Variants in COL4A1 observed in about 807,000 individuals in gnomAD.
COL4A1 encodes the protein collagen alpha-1(IV) chain.
In COL4A1, 40 loss-of-function variants were observed where a neutral mutation model predicts 216.6. The ratio of observed to expected loss-of-function variants is 0.18; its 90% CI spans 0.14 to 0.24. COL4A1 has a LOEUF of 0.24. Ranked by LOEUF, COL4A1 falls within the 10% of genes least tolerant of loss-of-function variation. The pLI is 1.00. For missense variants in COL4A1, 1,628 were observed against 2,196.8 expected, an observed-to-expected ratio of 0.74 and a Z score of 5.18; for synonymous variants, 839 against 810.7, an observed-to-expected ratio of 1.03 and a Z score of -0.59.
Position 110,195,134 on chromosome 13 carries a change from CAG to C in COL4A1, c.1286-18_1286-17del, listed in dbSNP as rs769629668. On this transcript the variant is annotated splice_polypyrimidine_tract_variant and intron_variant, in intron 21 of 51. Coordinates refer to ENST00000375820, the MANE Select transcript of COL4A1 (RefSeq NM_001845.6). ...ACAATTCCATCTGAAATTGAGTTGT[CAG>C]AGTTATAGGATCATAGCTAGGTGTT... The C allele has an allele frequency of 7.4e-5, 119 of 1,609,372 alleles. No homozygotes were observed. Among genetic ancestry groups the C allele is most frequent in the Non-Finnish European group, 2.4e-5 (28 of 1,175,812 alleles).
intron 1 of COL4A1, among the ~76,000 whole-genome samples, chr13:110,303,399 C>T (rs896204937): frequency 2.4e-4 from 36 of 152,142 alleles, no homozygotes; most frequent in Middle Eastern, 3.4e-3. Context: ...CCTGCCCTTC[C>T]AATTCTTTCC....
At chr13:110,191,501 C>A in intron 24 of COL4A1, 1 of 473,392 alleles carries the variant, frequency 2.1e-6, no homozygotes, top group Non-Finnish European at 3.7e-6. Flanking sequence ...AAATAATGTC[C>A]TTCAAAATTC....
At chr13:110,252,080 G>C (rs1037117788) in intron 1 of COL4A1, among the ~76,000 whole-genome samples, 1 of 152,050 alleles carries the variant, frequency 6.6e-6, no homozygotes, top group African/African-American at 2.4e-5. Flanking sequence ...CTGGAGTGCT[G>C]TGGCGCGATC....
intron 2 of COL4A1, among the ~76,000 whole-genome samples, chr13:110,240,922 T>C (rs1250159147): frequency 6.6e-6 from 1 of 152,168 alleles, no homozygotes; most frequent in African/African-American, 2.4e-5. Context: ...TAGGCTAGAG[T>C]GCAATGGTGT....
intron 26 of COL4A1, among the ~76,000 whole-genome samples, chr13:110,184,902 T>G (rs1878334562): frequency 6.6e-6 from 1 of 152,064 alleles, no homozygotes; most frequent in Non-Finnish European, 1.5e-5. Flanking sequence ...GCTCCTGACC[T>G]CAGGTGATCT....
At chr13:110,296,812 G>T (rs1160767306) in intron 1 of COL4A1, among the ~76,000 whole-genome samples, 1 of 152,154 alleles carries the variant, frequency 6.6e-6, no homozygotes, top group Non-Finnish European at 1.5e-5. Flanking sequence ...CCCCTCCTGG[G>T]GTTTGATTAA....
At chr13:110,238,065 G>A (rs1043299814) in intron 2 of COL4A1, among the ~76,000 whole-genome samples, 6 of 152,224 alleles carry the variant, frequency 3.9e-5, no homozygotes, top group African/African-American at 1.4e-4. Context: ...AGTCTTGGTT[G>A]TTCTATCTGA....
intron 22 of COL4A1, among the ~76,000 whole-genome samples, chr13:110,193,294 A>AC (rs1483590766): frequency 6.6e-6 from 1 of 152,202 alleles, no homozygotes; most frequent in Non-Finnish European, 1.5e-5. Context: ...TGTGAAAACT[A>AC]CCCATCCCCT....
chr13:110,212,371 A>T, intron 6 of COL4A1, 46 bp downstream of exon 6: 1 of 1,610,060 alleles, frequency 6.2e-7, no homozygotes. Context: ...ATATGCAAAA[A>T]TTACGTAAAC....
intron 2 of COL4A1, among the ~76,000 whole-genome samples, chr13:110,236,591 G>A (rs1881327221): frequency 6.6e-6 from 1 of 152,322 alleles, no homozygotes; most frequent in African/African-American, 2.4e-5. Flanking sequence ...GAGAGGACGT[G>A]TGAGAAGCAT....
At chr13:110,249,453 C>A (rs1311168221) in intron 1 of COL4A1, among the ~76,000 whole-genome samples, 1 of 152,040 alleles carries the variant, frequency 6.6e-6, no homozygotes, top group Non-Finnish European at 1.5e-5. Flanking sequence ...GAAGGGAGTC[C>A]CCGGCCACAC....
intron 26 of COL4A1, among the ~76,000 whole-genome samples, chr13:110,185,584 C>T (rs1878364743): frequency 6.6e-6 from 1 of 152,218 alleles, no homozygotes; most frequent in Non-Finnish European, 1.5e-5. Context: ...ACACACAAGG[C>T]ATTCCTAGCC....
chr13:110,198,103 G>C (rs1301941413), intron 21 of COL4A1, among the ~76,000 whole-genome samples: 1 of 151,798 alleles, frequency 6.6e-6, no homozygotes, highest in Non-Finnish European at 1.5e-5. Flanking sequence ...GTGTGTGTGT[G>C]TGTGTGTGTG....
intron 1 of COL4A1, among the ~76,000 whole-genome samples, chr13:110,250,887 G>T (rs1160916573): frequency 6.6e-6 from 1 of 152,190 alleles, no homozygotes; most frequent in African/African-American, 2.4e-5. Context: ...GTAGACTTGA[G>T]AGACATTTCG....
chr13:110,178,893 A>G (rs1878011706), intron 31 of COL4A1, 30 bp downstream of exon 31: 1 of 1,555,480 alleles, frequency 6.4e-7, no homozygotes, highest in Non-Finnish European at 8.8e-7. Flanking sequence ...TGCTTTTGGG[A>G]ACAGATAATT....
rs1006198269 is a variant in COL4A1 at position 110,209,115 on chromosome 13, T to C, written c.652-225A>G. On this transcript the variant is annotated intron_variant, in intron 11 of 51. Transcript: ENST00000375820. ...AAAATTCCAAAGACCTTTTTAAAAA[T>C]TTACAGTTTTTAAACTCTTGCATTA... 4.0e-5 allele frequency among the ~76,000 whole-genome samples: 6 copies of C among 150,436 alleles called. No individual in the cohort carries two copies. The South Asian group carries it at 1.3e-3, about 32-fold the overall frequency.
At chr13:110,275,140 A>G (rs371457748) in intron 1 of COL4A1, among the ~76,000 whole-genome samples, 6 of 152,346 alleles carry the variant, frequency 3.9e-5, no homozygotes, top group South Asian at 4.1e-4. Context: ...CACAGAAAAT[A>G]TTTGCAAAAG....
At position 110,162,360 on chromosome 13, in the gene COL4A1, G is replaced by A. The variant is rs756069308; in HGVS notation, c.4332C>T (p.His1444=). ...MGPPGTPSVD[H]GFLVTRHSQT... is the part of the protein sequence containing the mutation. ...GACTATGCCTGGTCACAAGGAAGCC[G>A]TGATCAACAGATGGGGTGCCTGGGG... The change falls in exon 48 of 52, where the codon CAC becomes CAT. Residue 1444 remains histidine, a synonymous_variant. Transcript: ENST00000375820. 1.7e-5 allele frequency: 28 copies of A among 1,614,104 alleles called. No homozygotes were observed. The highest frequency in any genetic ancestry group is 4.4e-5 in the South Asian group (4 of 91,096).
intron 2 of COL4A1, among the ~76,000 whole-genome samples, chr13:110,228,285 G>C (rs1445958379): frequency 6.6e-6 from 1 of 151,850 alleles, no homozygotes; most frequent in Non-Finnish European, 1.5e-5. Flanking sequence ...GGATGGAAAA[G>C]AACATGTGTG....
Sources: gnomAD v4.1 joint callset for allele counts (sites outside exome capture counted in the v4.1 genomes callset) on GRCh38, gnomAD v4.1.1 for gene constraint, MANE v1.5 for transcripts, NCBI Gene and HGNC (gene_info 2026-07-23, HGNC 2026-07-21) for gene names.